POFUT3: variants seen among roughly 807,000 people sequenced by gnomAD.
POFUT3 encodes protein O-fucosyltransferase 3.
the POFUT3 span, among the ~76,000 whole-genome samples, chr8:33,446,747 G>GT: frequency 6.6e-6 from 1 of 152,156 alleles, no homozygotes. Flanking sequence ...CAACAAGTTG[G>GT]TTTTTTATTA....
the POFUT3 span, among the ~76,000 whole-genome samples, chr8:33,339,440 T>C: frequency 6.6e-6 from 1 of 152,108 alleles, no homozygotes; most frequent in Admixed American, 6.5e-5. Flanking sequence ...CCAGTGAGAC[T>C]GTAACAAAAG....
the POFUT3 span, among the ~76,000 whole-genome samples, chr8:33,314,455 T>A: frequency 6.6e-6 from 1 of 152,188 alleles, no homozygotes. Context: ...ATCCACCAGT[T>A]ATTAGCTGTG....
the POFUT3 span, chr8:33,452,435 C>G: frequency 6.6e-6 from 1 of 151,850 alleles, no homozygotes; most frequent in Admixed American, 6.6e-5. Context: ...ATGAACAATG[C>G]TATAATGAAC....
chr8:33,333,187 G>T, the POFUT3 span, among the ~76,000 whole-genome samples: 16 of 152,332 alleles, frequency 1.1e-4, no homozygotes, highest in South Asian at 4.1e-4. Context: ...AGGCTGAAAG[G>T]CCTGAGGAAA....
chr8:33,366,118 A>C, the POFUT3 span, among the ~76,000 whole-genome samples: 5 of 152,164 alleles, frequency 3.3e-5, no homozygotes, highest in African/African-American at 9.7e-5. Flanking sequence ...GGACATGGAC[A>C]AAGCTGGAAA....
At chr8:33,333,383 A>G in the POFUT3 span, among the ~76,000 whole-genome samples, 6 of 152,228 alleles carry the variant, frequency 3.9e-5, no homozygotes, top group African/African-American at 1.4e-4. Context: ...GGATGAAAAG[A>G]CAGATATACT....
At chr8:33,328,573 A>G in the POFUT3 span, among the ~76,000 whole-genome samples, 4 of 152,250 alleles carry the variant, frequency 2.6e-5, no homozygotes, top group South Asian at 2.1e-4. Flanking sequence ...GGAACAGTCA[A>G]TGAGTCAACA....
the POFUT3 span, among the ~76,000 whole-genome samples, chr8:33,447,266 A>G: frequency 0.047 from 7,170 of 152,070 alleles, 275 homozygotes; most frequent in African/African-American, 0.1. Flanking sequence ...TGGCTAACAC[A>G]CTGAAAACCC....
the POFUT3 span, among the ~76,000 whole-genome samples, chr8:33,394,044 A>C: frequency 6.6e-6 from 1 of 152,084 alleles, no homozygotes; most frequent in Admixed American, 6.6e-5. Flanking sequence ...AATTAGCTGG[A>C]TGTGATGGTG....
chr8:33,422,812 C>T, the POFUT3 span, among the ~76,000 whole-genome samples: 22 of 151,828 alleles, frequency 1.4e-4, no homozygotes, highest in African/African-American at 4.1e-4. Flanking sequence ...TAGTTATATT[C>T]CAGGTCAGAA....
chr8:33,372,250 G>C, the POFUT3 span: 1 of 1,050,842 alleles, frequency 9.5e-7, no homozygotes, highest in Non-Finnish European at 1.1e-6. Flanking sequence ...TCTATAGCTA[G>C]ATCGTCTCCC....
At chr8:33,319,393 T>TA in the POFUT3 span, among the ~76,000 whole-genome samples, 3,014 of 52,088 alleles carry the variant, frequency 0.058, 404 homozygotes, top group African/African-American at 0.21. Flanking sequence ...AAATATATTT[T>TA]TATATATAGT....
the POFUT3 span, among the ~76,000 whole-genome samples, chr8:33,378,583 G>A: frequency 1.3e-5 from 2 of 152,206 alleles, no homozygotes; most frequent in East Asian, 1.9e-4. Context: ...AGAACCTGCC[G>A]TACTCCCAAC....
At chr8:33,320,901 C>G in the POFUT3 span, among the ~76,000 whole-genome samples, 1 of 152,176 alleles carries the variant, frequency 6.6e-6, no homozygotes, top group African/African-American at 2.4e-5. Flanking sequence ...AACAGTAAGT[C>G]ACAGGATGAG....
chr8:33,443,077 C>T, the POFUT3 span, among the ~76,000 whole-genome samples: 1 of 152,082 alleles, frequency 6.6e-6, no homozygotes, highest in Non-Finnish European at 1.5e-5. Flanking sequence ...CACACCACTG[C>T]ACTGCGGCCT....
chr8:33,453,991 G>A, the POFUT3 span, among the ~76,000 whole-genome samples: 3 of 152,078 alleles, frequency 2.0e-5, no homozygotes, highest in African/African-American at 4.8e-5. Context: ...GCCGGGCATG[G>A]TGATGCATGC....
the POFUT3 span, among the ~76,000 whole-genome samples, chr8:33,469,834 C>T: frequency 9.2e-6 from 1 of 108,980 alleles, no homozygotes; most frequent in African/African-American, 3.6e-5. Flanking sequence ...GAGATGGAGT[C>T]TCACTCTGTC....
At chr8:33,393,143 T>C in the POFUT3 span, among the ~76,000 whole-genome samples, 44 of 152,308 alleles carry the variant, frequency 2.9e-4, no homozygotes, top group African/African-American at 8.9e-4. Context: ...CCCAACTCCA[T>C]CGCAATGCCT....
chr8:33,318,581 GTATATATATTTATATAATATATAAATATA>G, the POFUT3 span, among the ~76,000 whole-genome samples: 1 of 59,206 alleles, frequency 1.7e-5, no homozygotes, highest in Admixed American at 2.7e-4. Context: ...TAAATATATT[GTATATATATTTATATAATATATAAATATA>G]TTGTATATAT....
Sources: allele counts gnomAD v4.1 joint callset (sites outside exome capture counted in the v4.1 genomes callset), GRCh38; gene constraint gnomAD v4.1.1; transcripts MANE v1.5; gene names NCBI Gene and HGNC (gene_info 2026-07-23, HGNC 2026-07-21).